Variants in USH2A observed in about 807,000 individuals in gnomAD.
The protein encoded by USH2A is Usher syndrome 2A (autosomal recessive, mild).
USH2A carries 443 observed loss-of-function variants against 538.9 expected under a neutral mutation model. The observed-to-expected ratio is 0.82, with a 90% CI of 0.76 to 0.89. The LOEUF (loss-of-function observed/expected upper bound fraction) is 0.89. USH2A is among the 40% of genes least tolerant of loss of function. The pLI is 0.00. For missense variants in USH2A, 6,633 were observed against 6,324.8 expected, an observed-to-expected ratio of 1.05 and a Z score of -1.65; for synonymous variants, 2,413 against 2,273.5, an observed-to-expected ratio of 1.06 and a Z score of -1.75.
chr1:215,939,539 T>G (rs930832266), intron 37 of USH2A, among the ~76,000 whole-genome samples: 1 of 152,156 alleles, frequency 6.6e-6, no homozygotes, highest in Admixed American at 6.6e-5. Flanking sequence ...AATCTTATTT[T>G]CAATGCTCTT....
chr1:215,640,800 TAAAA>T, intron 67 of USH2A, 66 bp from the exon 68 acceptor site: 1 of 1,075,324 alleles, frequency 9.3e-7, no homozygotes. Flanking sequence ...GTGTGCACTT[TAAAA>T]AAAAAAAATA....
chr1:215,820,083 C>T (rs1042383235), intron 47 of USH2A, among the ~76,000 whole-genome samples: 5 of 151,644 alleles, frequency 3.3e-5, no homozygotes, highest in African/African-American at 7.3e-5. Flanking sequence ...TTTGGGCACT[C>T]ATGCATAAAC....
At chr1:216,126,873 GA>G (rs1558272311) in intron 21 of USH2A, among the ~76,000 whole-genome samples, 1 of 152,050 alleles carries the variant, frequency 6.6e-6, no homozygotes, top group African/African-American at 2.4e-5. Context: ...TTGTTTCAAA[GA>G]AATATGGAAA....
rs1263613709 is a variant in USH2A at position 216,423,221 on chromosome 1, T to A, written c.-212A>T. ...ATAAATAAGCTGAGTTACCATTTCTTTATTGCATTTCAACCAGTCCCCTCA... is the reference window on the plus strand; with the variant it reads ...ATAAATAAGCTGAGTTACCATTTCTATATTGCATTTCAACCAGTCCCCTCA... On this transcript the variant is annotated 5_prime_UTR_variant, in exon 1 of 72. It removes the in-frame stop codon of an upstream open reading frame in the 5' UTR. Transcript: ENST00000307340. 1 of 152,182 alleles carries A rather than the reference T, an allele frequency of 6.6e-6. No homozygotes were observed. The highest frequency in any genetic ancestry group is 1.5e-5 in the Non-Finnish European group (1 of 68,044). 9.4% of individuals were successfully genotyped at this position (152,182 alleles called of 1,614,324 possible).
intron 61 of USH2A, among the ~76,000 whole-genome samples, chr1:215,722,268 T>C (rs1659686119): frequency 6.6e-6 from 1 of 152,170 alleles, no homozygotes; most frequent in Admixed American, 6.5e-5. Flanking sequence ...ATTAGAAAGA[T>C]AGTCACCAAA....
intron 40 of USH2A, among the ~76,000 whole-genome samples, chr1:215,897,870 A>G (rs149978568): frequency 2.4e-4 from 36 of 152,350 alleles, no homozygotes; most frequent in Non-Finnish European, 4.3e-4. Context: ...AGGATCAAGT[A>G]AGAAGTGTGA....
chr1:216,086,148 T>C (rs1029522485), intron 24 of USH2A, among the ~76,000 whole-genome samples: 1 of 152,114 alleles, frequency 6.6e-6, no homozygotes, highest in Non-Finnish European at 1.5e-5. Flanking sequence ...TTTTAGAATA[T>C]GTTCTTATGC....
Position 216,200,259 on chromosome 1 carries a change from ATT to A in USH2A, c.3317-140_3317-139del, listed in dbSNP as rs1212251698. ...TCTTTTGATTAAGGATACATTTCAT[ATT>A]TTTAAAATTGAAATAATGTAAATAC... On this transcript the variant is annotated intron_variant, in intron 16 of 71. Transcript: ENST00000307340. 4.3e-6 allele frequency: 4 copies of A among 940,576 alleles called. No homozygotes were observed. The East Asian group carries it at 1.1e-4, about 25-fold the overall frequency. 58.3% of individuals were successfully genotyped at this position (940,576 alleles called of 1,614,324 possible). A position where few individuals can be genotyped will look rare whatever the true frequency, so the allele number is the denominator to read the frequency against.
Position 215,892,142 on chromosome 1 carries a change from C to T in USH2A, c.7595-3088G>A, listed in dbSNP as rs147350001. Reference sequence around the variant, plus strand: ...GTGTGTATATTGGAAAGGGTGTGTGCGCACACACTTGTTTGTATTTGTATA... The same window carrying T: ...GTGTGTATATTGGAAAGGGTGTGTGTGCACACACTTGTTTGTATTTGTATA... On this transcript the variant is annotated intron_variant, in intron 40 of 71. Coordinates refer to ENST00000307340, the MANE Select transcript of USH2A (RefSeq NM_206933.4). Among the ~76,000 whole-genome samples the T allele has an allele frequency of 2.1e-3, 314 of 152,122 alleles. 1 individual carries two copies. The highest frequency in any genetic ancestry group is 4.5e-3 in the Admixed American group (69 of 15,276).
At chr1:215,914,144 G>A (rs1571808132) in intron 38 of USH2A, among the ~76,000 whole-genome samples, 1 of 134,526 alleles carries the variant, frequency 7.4e-6, no homozygotes, top group African/African-American at 2.9e-5. Flanking sequence ...TGCAATTTCT[G>A]CTCACTGCAA....
chr1:216,276,238 C>T (rs968372472), intron 11 of USH2A, among the ~76,000 whole-genome samples: 2 of 152,114 alleles, frequency 1.3e-5, no homozygotes, highest in African/African-American at 2.4e-5. Context: ...TTGTACATGA[C>T]GAGTGCAAGA....
intron 3 of USH2A, among the ~76,000 whole-genome samples, chr1:216,404,950 G>A (rs1341246379): frequency 6.6e-6 from 1 of 151,896 alleles, no homozygotes; most frequent in Non-Finnish European, 1.5e-5. Context: ...AAGGTGCCCA[G>A]GCTGGTCTCA....
At chr1:216,292,655 C>T (rs1336893590) in intron 9 of USH2A, among the ~76,000 whole-genome samples, 1 of 151,922 alleles carries the variant, frequency 6.6e-6, no homozygotes, top group Admixed American at 6.6e-5. Context: ...TATTTATAGG[C>T]TACATGGGAT....
At chr1:216,293,794 C>T (rs2037051891) in intron 9 of USH2A, among the ~76,000 whole-genome samples, 1 of 152,050 alleles carries the variant, frequency 6.6e-6, no homozygotes, top group South Asian at 2.1e-4. Flanking sequence ...GCGCAATCAC[C>T]AACAGATACT....
intron 21 of USH2A, among the ~76,000 whole-genome samples, chr1:216,145,947 G>C (rs563505880): frequency 1.3e-5 from 2 of 151,532 alleles, no homozygotes; most frequent in South Asian, 2.1e-4. Flanking sequence ...ATCTCCCTTC[G>C]CTGACTCTCT....
At chr1:215,961,666 T>A (rs772611170) in intron 37 of USH2A, among the ~76,000 whole-genome samples, 2 of 151,814 alleles carry the variant, frequency 1.3e-5, no homozygotes. Context: ...ACCTTGATAA[T>A]GTAAATAAAG....
At position 216,325,355 on chromosome 1, in the gene USH2A, G is replaced by C. The variant is rs531691537; in HGVS notation, c.1093C>G (p.Leu365Val). The C allele has an allele frequency of 1.2e-6, 2 of 1,613,830 alleles. No individual in the cohort carries two copies. Among genetic ancestry groups the C allele is most frequent in the South Asian group, 2.2e-5 (2 of 91,074 alleles). The change falls in exon 6 of 72, where the codon CTT becomes GTT. Residue 365 changes from leucine to valine, a missense_variant. Coordinates refer to ENST00000307340, the MANE Select transcript of USH2A (RefSeq NM_206933.4). ...VSNVFTNITQ[L>V]NQGVTISVDL... The stretch of plus-strand genomic sequence containing the variant: ...ACTGAAATAGTCACTCCTTGATTAA[G>C]CTGTGTAATGTTTGTAAACACATTT...
In USH2A at chr1:215,703,831, T is replaced by C. The variant is rs569456742; in HGVS notation, c.12067-23455A>G. On this transcript the variant is annotated intron_variant, in intron 61 of 71. Transcript: ENST00000307340. ...TTTCAGGGGAGTGGACAGTTCTGTCTTGCTGGGGTTCCAGGTGCCACTGGG... is the reference window on the plus strand; with the variant it reads ...TTTCAGGGGAGTGGACAGTTCTGTCCTGCTGGGGTTCCAGGTGCCACTGGG... Among the ~76,000 whole-genome samples the C allele has an allele frequency of 9.3e-5, 14 of 150,694 alleles. No homozygotes were observed. In the South Asian group the frequency reaches 2.3e-3, roughly 25 times the overall value.
At chr1:215,815,761 A>G (rs909903157) in intron 48 of USH2A, among the ~76,000 whole-genome samples, 1 of 152,068 alleles carries the variant, frequency 6.6e-6, no homozygotes, top group Non-Finnish European at 1.5e-5. Flanking sequence ...ATCTTTTAGA[A>G]TAAACTTAAA....
Sources: allele counts gnomAD v4.1 joint callset (sites outside exome capture counted in the v4.1 genomes callset), GRCh38; gene constraint gnomAD v4.1.1; transcripts MANE v1.5; gene names NCBI Gene and HGNC (gene_info 2026-07-23, HGNC 2026-07-21).